The following LRR1 variants were observed in gnomAD, a reference collection of about 807,000 sequenced individuals.
LRR1 encodes the protein leucine rich repeat protein 1.
In LRR1, 29 loss-of-function variants were observed where a neutral mutation model predicts 31.6. The ratio of observed to expected loss-of-function variants is 0.92; its 90% confidence interval spans 0.68 to 1.25. The LOEUF is 1.25. LRR1 is among the 50% of genes most tolerant of loss of function. LRR1 has a pLI of 0.00. For synonymous variants in LRR1, 179 were observed against 181.4 expected, an observed-to-expected ratio of 0.99 and a Z score of 0.10; for missense variants, 485 against 487.2, an observed-to-expected ratio of 1.00 and a Z score of 0.04.
intron 2 of LRR1, 98 bp from the exon 3 acceptor site, chr14:49,607,302 C>A: frequency 2.5e-6 from 3 of 1,203,230 alleles, no homozygotes; most frequent in Non-Finnish European, 3.4e-6. Context: ...CATTGTATCA[C>A]ATTCATAAGT....
intron 3 of LRR1, among the ~76,000 whole-genome samples, chr14:49,610,984 G>A (rs893369254): frequency 2.6e-5 from 4 of 152,114 alleles, no homozygotes; most frequent in African/African-American, 9.7e-5. Context: ...TTAGGGGAGA[G>A]GGGCTCTTAA....
chr14:49,610,581 G>T (rs566043781), intron 3 of LRR1, among the ~76,000 whole-genome samples: 1 of 151,350 alleles, frequency 6.6e-6, no homozygotes, highest in East Asian at 1.9e-4. Context: ...TTTATTTTTT[G>T]AGACAGTCTC....
chr14:49,607,963 T>A lies in LRR1; in HGVS notation c.846T>A (p.Asn282Lys). The A allele has an allele frequency of 6.2e-7, 1 of 1,614,152 alleles. No individual in the cohort carries two copies. Among genetic ancestry groups the A allele is most frequent in the Non-Finnish European group, 8.5e-7 (1 of 1,180,020 alleles). The change falls in exon 3 of 4, where the codon AAT becomes AAA. Residue 282 changes from asparagine to lysine, a missense_variant. Asn to Lys is a moderately conservative substitution (Grantham distance 94). This residue lies in a region of LRR1 where 210 missense variants were observed against 200.4 expected (regional missense o/e 1.05). Coordinates refer to ENST00000298288, the MANE Select transcript of LRR1 (RefSeq NM_152329.4). ...INLRFLSAARNKLPFLPSEFR... is the reference protein window; with the variant it reads ...INLRFLSAARKKLPFLPSEFR... ...TTCGCTTTTTGTCAGCAGCTCGAAATAAGCTTCCATTTTTGCCTAGTGAAT... is the reference window on the plus strand; with the variant it reads ...TTCGCTTTTTGTCAGCAGCTCGAAAAAAGCTTCCATTTTTGCCTAGTGAAT...
intron 2 of LRR1, among the ~76,000 whole-genome samples, chr14:49,605,054 C>T (rs1029510238): frequency 1.3e-5 from 2 of 152,048 alleles, no homozygotes; most frequent in Non-Finnish European, 2.9e-5. Context: ...CAACACCATA[C>T]CAGGCTAATT....
chr14:49,602,297 A>G, intron 1 of LRR1, 73 bp from the exon 2 acceptor site: 1 of 1,316,884 alleles, frequency 7.6e-7, no homozygotes, highest in Non-Finnish European at 1.1e-6. Context: ...TAACTGGCAC[A>G]TTCTAGTTGT....
At position 49,605,018 on chromosome 14, in the gene LRR1, C is replaced by T. The variant is rs1882230070; in HGVS notation, c.283-2382C>T. On this transcript the variant is annotated intron_variant, in intron 2 of 3. Transcript: ENST00000298288. ...TCAGGTGATCCTTCCTTCTCAGCCT[C>T]CCAAGTAACTGGGACTATAGGGGCA... 2.0e-5 allele frequency among the ~76,000 whole-genome samples: 3 copies of T among 152,154 alleles called. No homozygotes were observed. In the South Asian group the frequency reaches 6.2e-4, roughly 32 times the overall value.
At position 49,607,931 on chromosome 14, in the gene LRR1, A is replaced by C; in HGVS notation, c.814A>C (p.Ile272Leu). ...IQFPCKIGQLINLRFLSAARN... is the reference protein window; with the variant it reads ...IQFPCKIGQLLNLRFLSAARN... ...ATTTCCTTGCAAGATAGGACAACTA[A>C]TAAACCTTCGCTTTTTGTCAGCAGC... is the stretch of plus-strand genomic sequence containing the variant. The change falls in exon 3 of 4, where the codon ATA (isoleucine) becomes CTA (leucine). Residue 272 changes from isoleucine to leucine, a missense_variant. Ile to Leu is a conservative substitution (Grantham distance 5). Coordinates refer to ENST00000298288, the MANE Select transcript of LRR1 (RefSeq NM_152329.4). The C allele has an allele frequency of 6.2e-7, 1 of 1,614,066 alleles. No individual in the cohort carries two copies. Among genetic ancestry groups the C allele is most frequent in the South Asian group, 1.1e-5 (1 of 91,070 alleles).
chr14:49,608,830 TG>T (rs1413915736), intron 3 of LRR1, among the ~76,000 whole-genome samples: 1 of 151,592 alleles, frequency 6.6e-6, no homozygotes, highest in African/African-American at 2.4e-5. Context: ...CGCATAGTGA[TG>T]AAGGGTGGTC....
intron 3 of LRR1, among the ~76,000 whole-genome samples, chr14:49,610,247 GTT>G (rs397853358): frequency 2.9e-4 from 41 of 139,562 alleles, no homozygotes; most frequent in African/African-American, 5.6e-4. Flanking sequence ...TTTGTTGAGG[GTT>G]TTTTTTTTTT....
At chr14:49,606,171 C>T (rs1882273855) in intron 2 of LRR1, among the ~76,000 whole-genome samples, 1 of 151,380 alleles carries the variant, frequency 6.6e-6, no homozygotes, top group East Asian at 1.9e-4. Context: ...GGATTACAGG[C>T]GCCTGCCGCC....
chr14:49,599,066 G>T lies in LRR1; in HGVS notation c.46G>T (p.Ala16Ser). 6.2e-7 allele frequency: 1 copy of T among 1,609,410 alleles called. No individual in the cohort carries two copies. Among genetic ancestry groups the T allele is most frequent in the East Asian group, 2.2e-5 (1 of 44,784 alleles). ...EVEVISRHLP[A>S]LGLRNRGKGV... ...GGAGGTGATCAGCCGGCACTTGCCCGCCTTGGGGCTTAGGAACCGGGGCAA... is the reference window on the plus strand; with the variant it reads ...GGAGGTGATCAGCCGGCACTTGCCCTCCTTGGGGCTTAGGAACCGGGGCAA... The change falls in exon 1 of 4, where the codon GCC (alanine) becomes TCC (serine). Residue 16 changes from alanine to serine, a missense_variant. This residue lies in a region of LRR1 where 260 missense variants were observed against 249.6 expected (regional missense o/e 1.04). Transcript: ENST00000298288.
chr14:49,611,914 A>G (rs924371193), intron 3 of LRR1, among the ~76,000 whole-genome samples: 2 of 131,458 alleles, frequency 1.5e-5, no homozygotes, highest in African/African-American at 2.9e-5. Context: ...GCAGAGTGAG[A>G]CTGCGTCTCA....
Position 49,607,266 on chromosome 14 carries a change from A to T in LRR1, c.283-134A>T. Reference sequence around the variant, plus strand: ...TTAGTCAAAATAAAGTACTAAAAAAAAGTTTTACAGTCAATTTCAGTAAAT... The same window carrying T: ...TTAGTCAAAATAAAGTACTAAAAAATAGTTTTACAGTCAATTTCAGTAAAT... On this transcript the variant is annotated intron_variant, in intron 2 of 3. Transcript: ENST00000298288. 2 of 1,004,464 alleles carry T rather than the reference A, an allele frequency of 2.0e-6. 1 individual carries two copies. Among genetic ancestry groups the T allele is most frequent in the South Asian group, 5.1e-5 (2 of 38,854 alleles). The allele number at this position is 1,004,464 out of a possible 1,614,324, so 62.2% of individuals were successfully genotyped here.
At chr14:49,608,162 C>T in intron 3 of LRR1, 41 bp downstream of exon 3, 2 of 1,495,592 alleles carry the variant, frequency 1.3e-6, no homozygotes, top group Non-Finnish European at 8.9e-7. Context: ...TCTTTGATAG[C>T]ATTCTAATAT....
chr14:49,608,048 G>A lies in LRR1; in HGVS notation c.931G>A (p.Val311Ile). ...TGGAAATACTTTTGAACAACCAAAAGTCCTTCCAGTAATAAAGCTGCAAGC... is the reference window on the plus strand; with the variant it reads ...TGGAAATACTTTTGAACAACCAAAAATCCTTCCAGTAATAAAGCTGCAAGC... ...LFGNTFEQPK[V>I]LPVIKLQAPL... Residue 311 changes from valine (V) to isoleucine (I), a missense_variant, in exon 3 of 4, where the codon GTC becomes ATC. Physicochemically the swap from Val to Ile is conservative, Grantham distance 29. Around this residue, in one of 3 missense-constraint regions of LRR1, gnomAD observed 210 missense variants for 200.4 expected, o/e 1.05. Coordinates refer to ENST00000298288, the MANE Select transcript of LRR1 (RefSeq NM_152329.4). 1 of 1,611,668 alleles carries A rather than the reference G, an allele frequency of 6.2e-7. No individual in the cohort carries two copies. Among genetic ancestry groups the A allele is most frequent in the Middle Eastern group, 1.7e-4 (1 of 6,032 alleles).
chr14:49,606,270 A>G (rs1306267305), intron 2 of LRR1, among the ~76,000 whole-genome samples: 1 of 151,606 alleles, frequency 6.6e-6, no homozygotes, highest in African/African-American at 2.4e-5. Flanking sequence ...CAGGTGATCC[A>G]CCCACCTTGG....
intron 3 of LRR1, 114 bp downstream of exon 3, chr14:49,608,235 T>C: frequency 9.0e-7 from 1 of 1,112,694 alleles, no homozygotes. Flanking sequence ...AGTCTGACCC[T>C]TTGCTATAAT....
At chr14:49,601,601 C>G (rs1212264179) in intron 1 of LRR1, 1 of 1,288,626 alleles carries the variant, frequency 7.8e-7, no homozygotes, top group Non-Finnish European at 1.0e-6. Context: ...TTGTATATAA[C>G]CTACTGGGAG....
chr14:49,602,899 G>A (rs961724261), intron 2 of LRR1, among the ~76,000 whole-genome samples: 2 of 151,870 alleles, frequency 1.3e-5, no homozygotes, highest in Non-Finnish European at 2.9e-5. Flanking sequence ...GTAGTGGCAC[G>A]ATCTCAGCTC....
Sources: gnomAD v4.1 joint callset for allele counts (sites outside exome capture counted in the v4.1 genomes callset) on GRCh38, gnomAD v4.1.1 for gene constraint, gnomAD v4.1.1 regional missense constraint, MANE v1.5 for transcripts, NCBI Gene and HGNC (gene_info 2026-07-23, HGNC 2026-07-21) for gene names.